AGBL1: variants seen among roughly 807,000 people sequenced by gnomAD.
The protein encoded by AGBL1 is cytosolic carboxypeptidase 4.
In AGBL1, 130 loss-of-function variants were observed where a neutral mutation model predicts 118.9. That is an observed-to-expected ratio of 1.09 (90% CI 0.95 to 1.26). The LOEUF (loss-of-function observed/expected upper bound fraction) is 1.26, where lower values mean the gene tolerates loss of function less well. Ranked by LOEUF, AGBL1 falls within the 50% of genes most tolerant of loss-of-function variation. The pLI is 0.00. For synonymous variants in AGBL1, 555 were observed against 478.9 expected, an observed-to-expected ratio of 1.16 and a Z score of -2.08; for missense variants, 1,584 against 1,298.1, an observed-to-expected ratio of 1.22 and a Z score of -3.38.
intron 24 of AGBL1, among the ~76,000 whole-genome samples, chr15:87,023,420 CA>C (rs1482316191): frequency 6.6e-6 from 1 of 152,038 alleles, no homozygotes; most frequent in African/African-American, 2.4e-5. Flanking sequence ...CCTTGTCCAA[CA>C]GGAAAATATC....
intron 1 of AGBL1, among the ~76,000 whole-genome samples, chr15:86,118,038 G>T (rs1023816716): frequency 6.6e-6 from 1 of 152,194 alleles, no homozygotes; most frequent in Non-Finnish European, 1.5e-5. Context: ...ACATTAAACT[G>T]CTATCTCTGA....
rs147318795 is a variant in AGBL1, at chr15:86,646,814, G to A, written c.2995-27459G>A. Reference sequence around the variant, plus strand: ...AACGATTCTGCCTTCACATGTGTTTGATAGGTGGTGAGTAATTAGGTTATA... The same window carrying A: ...AACGATTCTGCCTTCACATGTGTTTAATAGGTGGTGAGTAATTAGGTTATA... On this transcript the variant is annotated intron_variant, in intron 21 of 22. Transcript: ENST00000614907. Among the ~76,000 whole-genome samples, 31 of 152,254 alleles carry A rather than the reference G, an allele frequency of 2.0e-4. 1 individual carries two copies. Among genetic ancestry groups the A allele is most frequent in the Non-Finnish European group, 4.1e-4 (28 of 68,018 alleles).
intron 1 of AGBL1, among the ~76,000 whole-genome samples, chr15:86,094,776 A>T (rs936521191): frequency 6.6e-6 from 1 of 152,220 alleles, no homozygotes; most frequent in East Asian, 1.9e-4. Flanking sequence ...TTCTGATATC[A>T]AATGTGTGAG....
chr15:86,117,636 A>T (rs1204041319), intron 1 of AGBL1, among the ~76,000 whole-genome samples: 1 of 152,246 alleles, frequency 6.6e-6, no homozygotes, highest in African/African-American at 2.4e-5. Context: ...TTAACACTTC[A>T]CGTGTGCACA....
intron 1 of AGBL1, among the ~76,000 whole-genome samples, chr15:86,137,448 G>A (rs2076903901): frequency 2.0e-5 from 3 of 152,124 alleles, no homozygotes; most frequent in Admixed American, 2.0e-4. Context: ...GCTTTTTTAA[G>A]TAAGATATTC....
intron 21 of AGBL1, among the ~76,000 whole-genome samples, chr15:86,575,185 T>C (rs1235156624): frequency 2.6e-5 from 4 of 151,422 alleles, no homozygotes; most frequent in Non-Finnish European, 4.4e-5. Flanking sequence ...GGAGACTCTG[T>C]CTCAAAAGAA....
intron 17 of AGBL1, among the ~76,000 whole-genome samples, chr15:86,304,492 A>C (rs577552807): frequency 6.6e-6 from 1 of 152,172 alleles, no homozygotes; most frequent in African/African-American, 2.4e-5. Context: ...ACTGAGCTCC[A>C]TGAAAGCACA....
Position 86,143,857 on chromosome 15 carries a change from C to T in AGBL1, c.262+12C>T. The T allele has an allele frequency of 1.2e-6, 2 of 1,612,906 alleles. No individual in the cohort carries two copies. The highest frequency in any genetic ancestry group is 1.7e-6 in the Non-Finnish European group (2 of 1,179,302). On this transcript the variant is annotated intron_variant, in intron 3 of 22. Transcript: ENST00000614907. Reference sequence around the variant, plus strand: ...AGTTGGCCTAAGAGGTACTCGTACTCCAAGACCTAAAGCTGACTGAAAAGG... The same window carrying T: ...AGTTGGCCTAAGAGGTACTCGTACTTCAAGACCTAAAGCTGACTGAAAAGG...
chr15:86,777,847 T>C (rs1039395057), intron 22 of AGBL1, among the ~76,000 whole-genome samples: 2 of 152,124 alleles, frequency 1.3e-5, no homozygotes, highest in African/African-American at 4.8e-5. Flanking sequence ...TAAGTCTTGA[T>C]TACAGAGGGG....
Position 86,927,858 on chromosome 15 carries a change from C to A in AGBL1, c.3222-60129C>A, listed in dbSNP as rs546290711. On this transcript the variant is annotated intron_variant, in intron 23 of 24. Transcript: ENST00000441037. ...GTTGCAATATTGTGTATTACCTGAC[C>A]TCACCCTTCCCTTTAAATATTTAGA... is the stretch of plus-strand genomic sequence containing the variant. 2.6e-5 allele frequency among the ~76,000 whole-genome samples: 4 copies of A among 152,116 alleles called. No individual in the cohort carries two copies. In the East Asian group the frequency reaches 7.8e-4, roughly 30 times the overall value.
chr15:86,429,946 G>T (rs537675633), intron 18 of AGBL1, among the ~76,000 whole-genome samples: 1 of 152,182 alleles, frequency 6.6e-6, no homozygotes, highest in Non-Finnish European at 1.5e-5. Flanking sequence ...GATGAAGCTT[G>T]GAGCTGCTTT....
intron 22 of AGBL1, among the ~76,000 whole-genome samples, chr15:86,854,580 T>C (rs983739372): frequency 2.0e-5 from 3 of 152,206 alleles, no homozygotes; most frequent in African/African-American, 4.8e-5. Flanking sequence ...CTGATTTTAT[T>C]TCCATTTTTT....
At chr15:86,470,370 T>C (rs1285551871) in intron 18 of AGBL1, among the ~76,000 whole-genome samples, 1 of 152,224 alleles carries the variant, frequency 6.6e-6, no homozygotes, top group Admixed American at 6.5e-5. Flanking sequence ...TGTTGATCAG[T>C]TGATTGTAAT....
intron 1 of AGBL1, among the ~76,000 whole-genome samples, chr15:86,091,848 C>T (rs1237909581): frequency 6.6e-6 from 1 of 152,086 alleles, no homozygotes; most frequent in Non-Finnish European, 1.5e-5. Flanking sequence ...ATGTCCATAT[C>T]CCAACTTGGT....
At chr15:86,568,630 A>G (rs1360440874) in intron 21 of AGBL1, among the ~76,000 whole-genome samples, 1 of 152,220 alleles carries the variant, frequency 6.6e-6, no homozygotes, top group Non-Finnish European at 1.5e-5. Flanking sequence ...TCTGTCTCAC[A>G]AGTGGTGGTA....
intron 1 of AGBL1, among the ~76,000 whole-genome samples, chr15:86,133,394 A>G (rs2076843787): frequency 6.6e-6 from 1 of 152,184 alleles, no homozygotes; most frequent in Non-Finnish European, 1.5e-5. Flanking sequence ...GATTCACATC[A>G]AATAACTCTA....
chr15:86,451,462 G>A (rs2082191691), intron 18 of AGBL1, among the ~76,000 whole-genome samples: 1 of 152,218 alleles, frequency 6.6e-6, no homozygotes, highest in African/African-American at 2.4e-5. Flanking sequence ...TCAGAAAACA[G>A]CCTTTCTTAG....
intron 22 of AGBL1, among the ~76,000 whole-genome samples, chr15:86,881,431 C>G (rs910426933): frequency 5.3e-5 from 8 of 152,110 alleles, no homozygotes; most frequent in African/African-American, 1.9e-4. Flanking sequence ...CCTACTCAAT[C>G]TCTCTTTGTA....
intron 22 of AGBL1, among the ~76,000 whole-genome samples, chr15:86,896,565 G>C (rs545167666): frequency 6.6e-6 from 1 of 152,170 alleles, no homozygotes; most frequent in African/African-American, 2.4e-5. Context: ...CCTTCTGGTA[G>C]TTAGGTTTTC....
Sources: gnomAD v4.1 joint callset for allele counts (sites outside exome capture counted in the v4.1 genomes callset) on GRCh38, gnomAD v4.1.1 for gene constraint, MANE v1.5 for transcripts, NCBI Gene and HGNC (gene_info 2026-07-23, HGNC 2026-07-21) for gene names.